Variants in GRAMD1C observed in about 807,000 individuals in gnomAD.
GRAMD1C encodes the protein GRAM domain containing 1C, also known as protein Aster-C.
Under a neutral mutation model 97.8 loss-of-function variants are expected in GRAMD1C, and 89 were observed. The observed-to-expected ratio is 0.91, with a 90% CI of 0.77 to 1.09. The LOEUF (loss-of-function observed/expected upper bound fraction) is 1.09, where lower values mean the gene tolerates loss of function less well. Among genes scored for constraint, GRAMD1C ranks in the 50% least tolerant of loss-of-function variants. The probability of loss-of-function intolerance (pLI) is 0.00; values close to 1 mark genes in which losing one functional copy is unlikely to be tolerated. For synonymous variants in GRAMD1C, 256 were observed against 267.0 expected (o/e 0.96, Z 0.40); for missense variants, 740 against 766.4 (o/e 0.97, Z 0.41).
intron 5 of GRAMD1C, 122 bp downstream of exon 5, chr3:113,876,382 T>C: frequency 1.6e-6 from 1 of 608,916 alleles, no homozygotes; most frequent in East Asian, 2.7e-5. Flanking sequence ...TACACATATG[T>C]TTAATACTAG....
At position 113,940,272 on chromosome 3, in the gene GRAMD1C, C is replaced by G; in HGVS notation, c.1835C>G (p.Thr612Ser). The part of the protein sequence containing the change: ...LASDMVSRAE[T>S]IQKNKDQAHR... ...TCTGATATGGTGTCAAGAGCAGAAA[C>G]TATTCAGAAGAATAAAGATCAGGCC... Residue 612 changes from threonine to serine, a missense_variant, in exon 17 of 18, where the codon ACT becomes AGT. By Grantham distance (58) the Thr-to-Ser change is moderately conservative. Transcript: ENST00000358160. 6.2e-7 allele frequency: 1 copy of G among 1,609,100 alleles called. No homozygotes were observed. The highest frequency in any genetic ancestry group is 8.5e-7 in the Non-Finnish European group (1 of 1,175,392).
chr3:113,901,677 G>T (rs980558858), intron 7 of GRAMD1C, among the ~76,000 whole-genome samples: 4 of 152,186 alleles, frequency 2.6e-5, no homozygotes, highest in Non-Finnish European at 5.9e-5. Context: ...AAGAAATTAA[G>T]AGTACAGAGA....
intron 5 of GRAMD1C, among the ~76,000 whole-genome samples, chr3:113,880,206 TCAAA>T (rs764192203): frequency 1.3e-5 from 2 of 152,266 alleles, no homozygotes; most frequent in South Asian, 2.1e-4. Flanking sequence ...AACAAAATCA[TCAAA>T]CAGTTTCAAA....
chr3:113,848,198 A>C (rs1933700508), intron 2 of GRAMD1C, among the ~76,000 whole-genome samples: 1 of 152,212 alleles, frequency 6.6e-6, no homozygotes, highest in Non-Finnish European at 1.5e-5. Flanking sequence ...TCTGCTCTGC[A>C]TCTGGTGATT....
Position 113,869,557 on chromosome 3 carries a change from C to A in GRAMD1C, c.225C>A (p.Phe75Leu). ...KDRNEEYRRQFTHLPDTERLI... is the reference protein window; with the variant it reads ...KDRNEEYRRQLTHLPDTERLI... The stretch of plus-strand genomic sequence containing the variant: ...GGAATGAGGAATACAGAAGACAGTT[C>A]ACACATCTACCTGATACAGAGAGGC... The change falls in exon 3 of 18, where the codon TTC becomes TTA. Residue 75 changes from phenylalanine (F) to leucine (L), a missense_variant. Phe to Leu is a conservative substitution (Grantham distance 22). Coordinates refer to ENST00000358160, the MANE Select transcript of GRAMD1C (RefSeq NM_017577.5). 6.5e-7 allele frequency: 1 copy of A among 1,548,982 alleles called. No individual in the cohort carries two copies. Among genetic ancestry groups the A allele is most frequent in the Non-Finnish European group, 8.8e-7 (1 of 1,132,248 alleles).
chr3:113,845,459 A>C (rs1336128855), intron 2 of GRAMD1C, among the ~76,000 whole-genome samples: 1 of 152,148 alleles, frequency 6.6e-6, no homozygotes, highest in Non-Finnish European at 1.5e-5. Context: ...TGGGAGGCTG[A>C]GGTGGGCAGA....
intron 11 of GRAMD1C, 66 bp downstream of exon 11, chr3:113,930,898 G>T: frequency 1.3e-6 from 1 of 788,240 alleles, no homozygotes; most frequent in Admixed American, 2.1e-5. Context: ...GCCTATTATA[G>T]TTCACCAATT....
At chr3:113,930,403 T>A (rs1488468290) in intron 10 of GRAMD1C, among the ~76,000 whole-genome samples, 1 of 152,210 alleles carries the variant, frequency 6.6e-6, no homozygotes, top group African/African-American at 2.4e-5. Flanking sequence ...TCTTCATAGG[T>A]ACTGAGGACT....
At chr3:113,853,367 G>C (rs1293930600) in intron 2 of GRAMD1C, among the ~76,000 whole-genome samples, 1 of 152,194 alleles carries the variant, frequency 6.6e-6, no homozygotes, top group Non-Finnish European at 1.5e-5. Context: ...GGAAATAGTA[G>C]AGAAGTCCGT....
intron 1 of GRAMD1C, among the ~76,000 whole-genome samples, chr3:113,841,299 T>TG: frequency 6.9e-6 from 1 of 145,940 alleles, no homozygotes; most frequent in South Asian, 2.2e-4. Context: ...TTTTTTTTTT[T>TG]TTGCGAGACA....
chr3:113,845,761 T>G (rs1169790144), intron 2 of GRAMD1C, among the ~76,000 whole-genome samples: 1 of 152,096 alleles, frequency 6.6e-6, no homozygotes, highest in Non-Finnish European at 1.5e-5. Context: ...TAGGTATCCT[T>G]GGTAGCAGAT....
chr3:113,937,175 AT>A (rs1339310471), intron 14 of GRAMD1C, among the ~76,000 whole-genome samples: 1 of 152,202 alleles, frequency 6.6e-6, no homozygotes, highest in African/African-American at 2.4e-5. Flanking sequence ...TTCATTCTCA[AT>A]TTTGAACACA....
At chr3:113,903,021 A>G (rs891389199) in intron 7 of GRAMD1C, among the ~76,000 whole-genome samples, 1 of 150,212 alleles carries the variant, frequency 6.7e-6, no homozygotes, top group Non-Finnish European at 1.5e-5. Context: ...GCTGGAGTGC[A>G]GTGGCGTGAT....
chr3:113,874,442 A>G (rs779331888), intron 3 of GRAMD1C, among the ~76,000 whole-genome samples: 107 of 151,706 alleles, frequency 7.1e-4, no homozygotes, highest in African/African-American at 1.6e-3. Flanking sequence ...ATCACCTTCC[A>G]GGTTCAAGAG....
At position 113,838,872 on chromosome 3, in the gene GRAMD1C, G is replaced by A. The variant is rs1709691191; in HGVS notation, c.-38G>A. 4.1e-6 allele frequency: 5 copies of A among 1,227,138 alleles called. No homozygotes were observed. The highest frequency in any genetic ancestry group is 5.1e-6 in the Non-Finnish European group (5 of 983,010). The allele number at this position is 1,227,138 out of a possible 1,614,324, so 76.0% of individuals were successfully genotyped here. ...TGGGCGCGGGGCGGTGCGGTGCGGTGCGCGCGGGGCGGTGCCGCGGCGGCG... is the reference window on the plus strand; with the variant it reads ...TGGGCGCGGGGCGGTGCGGTGCGGTACGCGCGGGGCGGTGCCGCGGCGGCG... On this transcript the variant is annotated 5_prime_UTR_variant, in exon 1 of 18. Coordinates refer to ENST00000358160, the MANE Select transcript of GRAMD1C (RefSeq NM_017577.5).
rs1171008112 is a variant in GRAMD1C at position 113,838,849 on chromosome 3, GGCGCGGGGCGGTGCGGTGCGGTGC to G, written c.-46_-23del. The G allele has an allele frequency of 1.3e-5, 16 of 1,193,704 alleles. No individual in the cohort carries two copies. The highest frequency in any genetic ancestry group is 1.3e-4 in the South Asian group (3 of 23,712). The allele number at this position is 1,193,704 out of a possible 1,614,324, so 73.9% of individuals were successfully genotyped here. A position where few individuals can be genotyped will look rare whatever the true frequency, so the allele number is the denominator to read the frequency against. On this transcript the variant is annotated 5_prime_UTR_variant, in exon 1 of 18. Coordinates refer to ENST00000358160, the MANE Select transcript of GRAMD1C (RefSeq NM_017577.5). The stretch of plus-strand genomic sequence containing the variant: ...TAACTCGCAGCGCGCGCTGGAGGTG[GGCGCGGGGCGGTGCGGTGCGGTGC>G]GCGCGGGGCGGTGCCGCGGCGGCGG...
chr3:113,923,615 A>C (rs1457667595), intron 10 of GRAMD1C, among the ~76,000 whole-genome samples: 2 of 152,200 alleles, frequency 1.3e-5, no homozygotes, highest in African/African-American at 4.8e-5. Flanking sequence ...CCAGGGATAA[A>C]GCCTACTTTA....
At chr3:113,881,055 G>C (rs369618240) in intron 5 of GRAMD1C, among the ~76,000 whole-genome samples, 2 of 152,248 alleles carry the variant, frequency 1.3e-5, no homozygotes, top group Admixed American at 6.5e-5. Context: ...TCTAGAATAT[G>C]TTCTATGCCC....
intron 6 of GRAMD1C, among the ~76,000 whole-genome samples, chr3:113,884,607 C>G: frequency 6.6e-6 from 1 of 152,032 alleles, no homozygotes; most frequent in Non-Finnish European, 1.5e-5. Flanking sequence ...CCCAGGCGGG[C>G]GGATCACGAG....
Sources: gnomAD v4.1 joint callset for allele counts (sites outside exome capture counted in the v4.1 genomes callset) on GRCh38, gnomAD v4.1.1 for gene constraint, MANE v1.5 for transcripts, NCBI Gene and HGNC (gene_info 2026-07-23, HGNC 2026-07-21) for gene names.